The following TRIM33 variants were observed in gnomAD, a reference collection of about 807,000 sequenced individuals.
The protein encoded by TRIM33 is E3 ubiquitin-protein ligase TRIM33.
A neutral mutation model predicts 125.4 loss-of-function variants in TRIM33; 20 were observed. The observed-to-expected ratio is 0.16, with a 90% confidence interval of 0.11 to 0.23. TRIM33 has a LOEUF of 0.23. TRIM33 is among the 10% of genes least tolerant of loss of function. TRIM33 has a pLI of 1.00. For synonymous variants in TRIM33, 564 were observed against 513.9 expected (o/e 1.10, Z -1.32); for missense variants, 920 against 1,411.4 (o/e 0.65, Z 5.58).
At chr1:114,498,818 G>A (rs1218130640) in intron 1 of TRIM33, among the ~76,000 whole-genome samples, 1 of 152,028 alleles carries the variant, frequency 6.6e-6, no homozygotes, top group Non-Finnish European at 1.5e-5. Context: ...AGAGTGGGAG[G>A]TGGGGAAGGA....
At position 114,510,960 on chromosome 1, in the gene TRIM33, G is replaced by T; in HGVS notation, c.117C>A (p.Thr39=). ...PAAQEAEPPL[T]AVLVEEEEEE... is the part of the protein sequence containing the mutation. ...CCTCCTCCTCCTCCACCAGCACCGC[G>T]GTGAGAGGCGGCTCCGCCTCCTGCG... is the stretch of plus-strand genomic sequence containing the variant. The change falls in exon 1 of 20, where the codon ACC becomes ACA. Residue 39 remains threonine (T), a synonymous_variant. Transcript: ENST00000358465. The T allele has an allele frequency of 7.2e-7, 1 of 1,386,028 alleles. No homozygotes were observed. Among genetic ancestry groups the T allele is most frequent in the African/African-American group, 1.5e-5 (1 of 66,294 alleles). The allele number at this position is 1,386,028 out of a possible 1,614,324, so 85.9% of individuals were successfully genotyped here.
At chr1:114,423,811 G>C (rs1647366386) in intron 10 of TRIM33, among the ~76,000 whole-genome samples, 1 of 152,086 alleles carries the variant, frequency 6.6e-6, no homozygotes. Context: ...ATTGACCTGA[G>C]AGACTTAATA....
At chr1:114,499,999 T>C (rs1356431158) in intron 1 of TRIM33, among the ~76,000 whole-genome samples, 2 of 152,080 alleles carry the variant, frequency 1.3e-5, no homozygotes, top group Non-Finnish European at 2.9e-5. Flanking sequence ...AAATCCTGTC[T>C]CTACTAAAAA....
At chr1:114,464,896 C>G (rs1343119030) in intron 1 of TRIM33, among the ~76,000 whole-genome samples, 1 of 152,152 alleles carries the variant, frequency 6.6e-6, no homozygotes, top group Non-Finnish European at 1.5e-5. Context: ...AAAAGAAAGA[C>G]AGGCAACCAC....
At chr1:114,407,454 T>C (rs775210939) in intron 13 of TRIM33, among the ~76,000 whole-genome samples, 7 of 152,176 alleles carry the variant, frequency 4.6e-5, no homozygotes, top group Non-Finnish European at 1.0e-4. Flanking sequence ...AGTACTAGAA[T>C]ATTATCCTCA....
Position 114,427,759 on chromosome 1 carries a change from T to C in TRIM33, c.1291A>G (p.Ser431Gly). The change falls in exon 7 of 20, where the codon AGC (serine) becomes GGC (glycine). Residue 431 changes from serine to glycine, a missense_variant. Around this residue, in one of 8 missense-constraint regions of TRIM33, gnomAD observed 407 missense variants for 589.7 expected, o/e 0.69. Transcript: ENST00000358465. ...AGTATGTGTCTCACCAGTCGCTTGC[T>C]GTATAGTAGTGCTGTGCTGCTGCCA... ...ASGSSTALLY[S>G]KRLITFQLRH... 1 of 1,613,562 alleles carries C rather than the reference T, an allele frequency of 6.2e-7. No individual in the cohort carries two copies. The highest frequency in any genetic ancestry group is 8.5e-7 in the Non-Finnish European group (1 of 1,179,664).
chr1:114,468,832 A>G (rs552087272), intron 1 of TRIM33: 23 of 283,324 alleles, frequency 8.1e-5, no homozygotes, highest in East Asian at 2.1e-4. Context: ...TCAAATACAC[A>G]TAAGGAGCTA....
At chr1:114,443,406 A>AATGAATGG (rs1553212767) in intron 4 of TRIM33, among the ~76,000 whole-genome samples, 1 of 152,056 alleles carries the variant, frequency 6.6e-6, no homozygotes, top group Non-Finnish European at 1.5e-5. Context: ...TGAATGAATG[A>AATGAATGG]ATGAATGAAT....
chr1:114,509,802 GAA>G (rs1653228777), intron 1 of TRIM33, among the ~76,000 whole-genome samples: 1 of 152,164 alleles, frequency 6.6e-6, no homozygotes, highest in South Asian at 2.1e-4. Flanking sequence ...GACTGTGAAT[GAA>G]GTCTTCATTG....
intron 1 of TRIM33, among the ~76,000 whole-genome samples, chr1:114,482,479 T>TG (rs1651420022): frequency 6.6e-6 from 1 of 151,816 alleles, no homozygotes; most frequent in Non-Finnish European, 1.5e-5. Flanking sequence ...GGGAGGGAGA[T>TG]GGGGGGAGAT....
intron 11 of TRIM33, 149 bp from the exon 12 acceptor site, chr1:114,410,465 T>C (rs1375586778): frequency 1.3e-6 from 1 of 774,468 alleles, no homozygotes; most frequent in Non-Finnish European, 2.0e-6. Flanking sequence ...TAGGGTCCAC[T>C]GAGGGCCCAC....
chr1:114,489,372 C>T (rs910706985), intron 1 of TRIM33, among the ~76,000 whole-genome samples: 2 of 152,138 alleles, frequency 1.3e-5, no homozygotes, highest in African/African-American at 4.8e-5. Context: ...ATCTTCATGA[C>T]CTTGGATTAC....
intron 1 of TRIM33, among the ~76,000 whole-genome samples, chr1:114,491,868 G>GT (rs1184669050): frequency 6.6e-6 from 1 of 152,098 alleles, no homozygotes; most frequent in Non-Finnish European, 1.5e-5. Flanking sequence ...CCAAAACACT[G>GT]TAACTCATAC....
At position 114,510,762 on chromosome 1, in the gene TRIM33, G is replaced by T; in HGVS notation, c.315C>A (p.Pro105=). The T allele has an allele frequency of 6.6e-7, 1 of 1,523,008 alleles. No homozygotes were observed. Among genetic ancestry groups the T allele is most frequent in the Non-Finnish European group, 8.8e-7 (1 of 1,140,646 alleles). 94.3% of individuals were successfully genotyped at this position (1,523,008 alleles called of 1,614,324 possible). A position where few individuals can be genotyped will look rare whatever the true frequency, so the allele number is the denominator to read the frequency against. Residue 105 remains proline, a synonymous_variant, in exon 1 of 20, where the codon CCC becomes CCA. Coordinates refer to ENST00000358465, the MANE Select transcript of TRIM33 (RefSeq NM_015906.4). ...GCGGCCCTGCCGAGGGACCCGGAGC[G>T]GGAGCCGAGGCTGGAGCTGGAGCCG... ...STPAPAPASA[P]APGPSAGPPP...
rs1571999628 is a variant in TRIM33 at position 114,397,484 on chromosome 1, AT to A, written c.*163del. 1 of 568,802 alleles carries A rather than the reference AT, an allele frequency of 1.8e-6. No individual in the cohort carries two copies. The highest frequency in any genetic ancestry group is 2.8e-5 in the East Asian group (1 of 35,182). 35.2% of individuals were successfully genotyped at this position (568,802 alleles called of 1,614,324 possible). ...TCTTGACAAGAATGTGTTTCTGTCC[AT>A]TATTTCAATCTAATACTGTGTAAAA... On this transcript the variant is annotated 3_prime_UTR_variant, in exon 20 of 20. Transcript: ENST00000358465.
At chr1:114,450,227 C>T (rs1223927854) in intron 4 of TRIM33, among the ~76,000 whole-genome samples, 1 of 152,166 alleles carries the variant, frequency 6.6e-6, no homozygotes, top group South Asian at 2.1e-4. Flanking sequence ...CCATCGCACT[C>T]CAGCCTGGGC....
In TRIM33 at chr1:114,430,654, C is replaced by A. The variant is rs12097570; in HGVS notation, c.1155+144G>T. The A allele has an allele frequency of 5.7e-3, 3,461 of 610,122 alleles. 77 individuals are homozygous for A. The African/African-American group carries it at 0.058, about 10-fold the overall frequency. The allele number at this position is 610,122 out of a possible 1,614,324, so 37.8% of individuals were successfully genotyped here. On this transcript the variant is annotated intron_variant, in intron 6 of 19. Coordinates refer to ENST00000358465, the MANE Select transcript of TRIM33 (RefSeq NM_015906.4). ...GTAACTAACTAGAAAAGGTCTCTTC[C>A]AAAAGTAAATTTTAAAAACCTTATT... is the stretch of plus-strand genomic sequence containing the variant.
intron 4 of TRIM33, among the ~76,000 whole-genome samples, chr1:114,442,166 G>A (rs980078820): frequency 3.3e-5 from 5 of 152,006 alleles, no homozygotes; most frequent in Non-Finnish European, 7.4e-5. Context: ...AATATCTACC[G>A]AACAAATGAG....
At chr1:114,471,019 G>A (rs911485754) in intron 1 of TRIM33, among the ~76,000 whole-genome samples, 4 of 152,102 alleles carry the variant, frequency 2.6e-5, no homozygotes, top group African/African-American at 7.2e-5. Flanking sequence ...GGCTGGTCTC[G>A]AACTCCTGGG....
Sources: allele counts gnomAD v4.1 joint callset (sites outside exome capture counted in the v4.1 genomes callset), GRCh38; gene constraint gnomAD v4.1.1; regional missense constraint gnomAD v4.1.1; transcripts MANE v1.5; gene names NCBI Gene and HGNC (gene_info 2026-07-23, HGNC 2026-07-21).